The following FBXO27 variants were observed in gnomAD, a reference collection of about 807,000 sequenced individuals.
The protein encoded by FBXO27 is F-box only protein 27.
A neutral mutation model predicts 28.3 loss-of-function variants in FBXO27; 28 were observed. The observed-to-expected ratio is 0.99, with a 90% CI of 0.73 to 1.36. FBXO27 has a LOEUF of 1.36. Ranked by LOEUF, FBXO27 falls within the 40% of genes most tolerant of loss-of-function variation. The pLI is 0.00. For synonymous variants in FBXO27, 175 were observed against 167.3 expected (o/e 1.05, Z -0.36); for missense variants, 388 against 394.1 (o/e 0.98, Z 0.13).
At chr19:39,030,926 TC>T in intron 4 of FBXO27, 102 bp downstream of exon 4, 1 of 954,154 alleles carries the variant, frequency 1.0e-6, no homozygotes, top group South Asian at 1.3e-5. Context: ...AGATTTTTTA[TC>T]TGTAAGGAGG....
chr19:39,024,232 CTTT>C lies in FBXO27; in HGVS notation c.*1176_*1178del, dbSNP rs947925025. ...GAGTGGGCAGAACCATCTCCAAATT[CTTT>C]TTTTTTTTTGAGACAGGGTCTCGCT... On this transcript the variant is annotated 3_prime_UTR_variant, in exon 6 of 6. Coordinates refer to ENST00000292853, the MANE Select transcript of FBXO27 (RefSeq NM_178820.5). The C allele has an allele frequency of 1.4e-5, 2 of 145,976 alleles. No homozygotes were observed. The highest frequency in any genetic ancestry group is 1.5e-5 in the Non-Finnish European group (1 of 66,000). The allele number at this position is 145,976 out of a possible 1,614,324, so 9.0% of individuals were successfully genotyped here. A position where few individuals can be genotyped will look rare whatever the true frequency, so the allele number is the denominator to read the frequency against.
rs1320704648 is a variant in FBXO27 at position 39,026,911 on chromosome 19, G to T, written c.667C>A (p.Pro223Thr). Residue 223 changes from proline to threonine, a missense_variant, in exon 5 of 6, where the codon CCT becomes ACT. Pro to Thr is a conservative substitution (Grantham distance 38, BLOSUM62 -1). Coordinates refer to ENST00000292853, the MANE Select transcript of FBXO27 (RefSeq NM_178820.5). ...QTVLDKFSAV[P>T]DPIPQWNNNA... is the part of the protein sequence containing the mutation. The stretch of plus-strand genomic sequence containing the variant: ...TTGTTCCACTGCGGGATGGGATCAG[G>T]CACAGCAGAGAATTTATCTAGAACA... 1.9e-6 allele frequency: 3 copies of T among 1,614,206 alleles called. No individual in the cohort carries two copies. Among genetic ancestry groups the T allele is most frequent in the Admixed American group, 3.3e-5 (2 of 60,004 alleles).
chr19:39,027,151 G>T, intron 4 of FBXO27, 146 bp from the exon 5 acceptor site: 1 of 1,016,056 alleles, frequency 9.8e-7, no homozygotes, highest in Non-Finnish European at 1.4e-6. Flanking sequence ...CCTTTGGAAT[G>T]TTGTGTCAGA....
At chr19:39,020,896 C>G (rs1030298056), downstream of FBXO27, among the ~76,000 whole-genome samples, 13 of 151,734 alleles carry the variant, frequency 8.6e-5, no homozygotes, top group African/African-American at 3.1e-4. Flanking sequence ...GCTCTGTCAC[C>G]CAGGCTGGAG....
chr19:39,025,591 C>G, intron 5 of FBXO27, 37 bp from the exon 6 acceptor site: 4 of 1,590,574 alleles, frequency 2.5e-6, no homozygotes, highest in Non-Finnish European at 3.4e-6. Flanking sequence ...CATTGTGCCA[C>G]AGCCTCCCCT....
intron 1 of FBXO27, among the ~76,000 whole-genome samples, chr19:39,016,204 T>C (rs1160028869): frequency 1.3e-5 from 2 of 152,186 alleles, no homozygotes; most frequent in Non-Finnish European, 2.9e-5. Context: ...CAATGGTAGA[T>C]ACATGTCGTT....
rs772169318 is a variant in FBXO27, at chr19:39,025,413, AG to A, written c.849del (p.Ter284SerfsTer38). On this transcript the variant is annotated frameshift_variant, in exon 6 of 6. Coordinates refer to ENST00000292853, the MANE Select transcript of FBXO27 (RefSeq NM_178820.5). LOFTEE classifies it high-confidence loss of function. ...NSSVIVRVRL[S>X] The stretch of plus-strand genomic sequence containing the variant: ...CTTGCAAGAAGGGTAGTGCTGGACT[AG>A]GACAGACGGACTCGCACGATCACAC... The A allele has an allele frequency of 1.2e-6, 2 of 1,613,148 alleles. No homozygotes were observed. The highest frequency in any genetic ancestry group is 2.2e-5 in the South Asian group (2 of 90,978).
At chr19:39,026,230 G>T (rs971943105) in intron 5 of FBXO27, among the ~76,000 whole-genome samples, 17 of 152,060 alleles carry the variant, frequency 1.1e-4, no homozygotes, top group Non-Finnish European at 2.5e-4. Flanking sequence ...AGCCGCCATG[G>T]TGTGAGGAAG....
downstream of FBXO27, among the ~76,000 whole-genome samples, chr19:39,022,147 T>C (rs1473589639): frequency 8.3e-4 from 4 of 4,828 alleles, no homozygotes; most frequent in Non-Finnish European, 4.2e-4. Flanking sequence ...TTTTCTATTC[T>C]TTTTTTTTTT....
rs375630490 is a variant in FBXO27 at position 39,016,479 on chromosome 19, CG to C, written c.92-1933del. ...CTAAAAATAAAGTCTAGGCTGGGCG[CG>C]GTGGCTCACGCCTGTAATCCTAGCA... On this transcript the variant is annotated intron_variant, in intron 1 of 2. Coordinates refer to the FBXO27 transcript ENST00000598394. Among the ~76,000 whole-genome samples, 135 of 149,822 alleles carry C rather than the reference CG, an allele frequency of 9.0e-4. 6 individuals are homozygous for C. In the East Asian group the frequency reaches 0.015, roughly 17 times the overall value.
chr19:39,031,191 G>C lies in FBXO27; in HGVS notation c.476+18C>G, dbSNP rs1208701245. ...TTCTCAACAAGGGGCCGGACCTTTG[G>C]ATAGCAGGGGCATTCACCTGAATGA... On this transcript the variant is annotated intron_variant, in intron 3 of 5. Transcript: ENST00000292853. 1 of 1,613,568 alleles carries C rather than the reference G, an allele frequency of 6.2e-7. No homozygotes were observed.
chr19:39,032,338 ACC>A lies in FBXO27; in HGVS notation c.-26-87_-26-86del, dbSNP rs1568461758. The stretch of plus-strand genomic sequence containing the variant: ...TGCCTGCCCTGATTCTGCCAGCCGC[ACC>A]CCCGTCTTCACCATCCCTGGGCCCC... On this transcript the variant is annotated intron_variant, in intron 1 of 5. Coordinates refer to ENST00000292853, the MANE Select transcript of FBXO27 (RefSeq NM_178820.5). This position sits in a 1 kb window ranked among gnomAD's most constrained non-coding sequence, Gnocchi z 4.7. 1.1e-5 allele frequency: 15 copies of A among 1,336,866 alleles called. No individual in the cohort carries two copies. The Admixed American group carries it at 1.2e-4, about 11-fold the overall frequency. The allele number at this position is 1,336,866 out of a possible 1,614,324, so 82.8% of individuals were successfully genotyped here. A position where few individuals can be genotyped will look rare whatever the true frequency, so the allele number is the denominator to read the frequency against.
chr19:39,008,345 T>C (rs1025312210), intron 2 of FBXO27, among the ~76,000 whole-genome samples: 1 of 152,006 alleles, frequency 6.6e-6, no homozygotes, highest in African/African-American at 2.4e-5. Context: ...CTTGAACTCC[T>C]GGGCTCAAGC....
chr19:39,027,468 G>C (rs1029639128), intron 4 of FBXO27, among the ~76,000 whole-genome samples: 2 of 152,170 alleles, frequency 1.3e-5, no homozygotes, highest in African/African-American at 4.8e-5. Flanking sequence ...ATCAGTGCCA[G>C]CACGGTAACA....
rs202094668 is a variant in FBXO27 at position 39,016,782 on chromosome 19, CA to C, written c.92-2236del. On this transcript the variant is annotated intron_variant, in intron 1 of 2. Transcript: ENST00000598394. ...CCTGGGCAACAGAGTGAGAACGTCTCAAAAAAAAAAGCATATTAAATAAACG... is the reference window on the plus strand; with the variant it reads ...CCTGGGCAACAGAGTGAGAACGTCTCAAAAAAAAAGCATATTAAATAAACG... Among the ~76,000 whole-genome samples the C allele has an allele frequency of 2.2e-4, 30 of 138,968 alleles. No individual in the cohort carries two copies. The East Asian group carries it at 3.9e-3, about 18-fold the overall frequency. 91.2% of individuals were successfully genotyped at this position (138,968 alleles called of 152,430 possible).
downstream of FBXO27, among the ~76,000 whole-genome samples, chr19:39,019,276 T>A (rs2072833743): frequency 7.1e-6 from 1 of 140,592 alleles, no homozygotes; most frequent in Non-Finnish European, 1.6e-5. Flanking sequence ...ACAAAAAAAC[T>A]TAGCTGGGCA....
At position 39,031,306 on chromosome 19, in the gene FBXO27, A is replaced by C; in HGVS notation, c.379T>G (p.Trp127Gly). The change falls in exon 3 of 6, where the codon TGG (tryptophan) becomes GGG (glycine). Residue 127 changes from tryptophan (W) to glycine (G), a missense_variant. By Grantham distance (184) the Trp-to-Gly change is radical. Coordinates refer to ENST00000292853, the MANE Select transcript of FBXO27 (RefSeq NM_178820.5). ...NPCGQEGLRK[W>G]MVQHGGDGWV... ...CCGTCCCCACCGTGTTGCACCATCC[A>C]CTTTCGGAGGCCTTCTGTGAAATAA... is the stretch of plus-strand genomic sequence containing the variant. 3 of 1,613,606 alleles carry C rather than the reference A, an allele frequency of 1.9e-6. No individual in the cohort carries two copies. The highest frequency in any genetic ancestry group is 2.5e-6 in the Non-Finnish European group (3 of 1,179,830).
intron 2 of FBXO27, among the ~76,000 whole-genome samples, chr19:39,013,841 G>A (rs1181845398): frequency 4.6e-5 from 7 of 151,530 alleles, no homozygotes; most frequent in African/African-American, 9.7e-5. Flanking sequence ...GTGAAACCCC[G>A]TCTCTACTAA....
At chr19:39,016,269 A>C (rs1302079945) in intron 1 of FBXO27, among the ~76,000 whole-genome samples, 1 of 151,974 alleles carries the variant, frequency 6.6e-6, no homozygotes, top group Non-Finnish European at 1.5e-5. Flanking sequence ...CCTAATACAA[A>C]CTATGGAGTT....
Sources: allele counts gnomAD v4.1 joint callset (sites outside exome capture counted in the v4.1 genomes callset), GRCh38; gene constraint gnomAD v4.1.1; non-coding constraint Gnocchi (gnomAD v3.1); transcripts MANE v1.5; gene names NCBI Gene and HGNC (gene_info 2026-07-23, HGNC 2026-07-21).